Variants in PDE7B observed in about 807,000 individuals in gnomAD.
PDE7B encodes 3',5'-cyclic-AMP phosphodiesterase 7B.
In PDE7B, 29 loss-of-function variants were observed where a neutral mutation model predicts 56.2. The observed-to-expected ratio is 0.52, with a 90% CI of 0.38 to 0.70. The LOEUF is 0.70. Among genes scored for constraint, PDE7B ranks in the 30% least tolerant of loss-of-function variants. The pLI is 0.00. For missense variants in PDE7B, 490 were observed against 565.0 expected, an observed-to-expected ratio of 0.87 and a Z score of 1.35; for synonymous variants, 197 against 196.9, an observed-to-expected ratio of 1.00 and a Z score of 0.00.
intron 2 of PDE7B, among the ~76,000 whole-genome samples, chr6:136,027,370 C>T (rs767160612): frequency 1.3e-5 from 2 of 152,206 alleles, no homozygotes; most frequent in Non-Finnish European, 2.9e-5. Flanking sequence ...ACAGTAACAA[C>T]TCACCTGAGG....
intron 1 of PDE7B, among the ~76,000 whole-genome samples, chr6:135,886,756 C>A (rs752129303): frequency 6.6e-6 from 1 of 152,124 alleles, no homozygotes; most frequent in Non-Finnish European, 1.5e-5. Flanking sequence ...TTTTCTTTAT[C>A]CACTCATTGG....
intron 1 of PDE7B, among the ~76,000 whole-genome samples, chr6:135,888,159 A>C (rs555111994): frequency 6.6e-6 from 1 of 152,234 alleles, no homozygotes; most frequent in South Asian, 2.1e-4. Flanking sequence ...CTATGACCTC[A>C]GTGAGTTTCG....
rs114294480 is a variant in PDE7B, at chr6:136,194,675, A to G, written c.*2835A>G. On this transcript the variant is annotated 3_prime_UTR_variant, in exon 13 of 13. Coordinates refer to ENST00000308191, the MANE Select transcript of PDE7B (RefSeq NM_018945.4). ...TGGGAGGCCAAGTTGGGCAGATCAC[A>G]AGTTCAAGAGATCGAGACCATTCTG... is the stretch of plus-strand genomic sequence containing the variant. 0.045 allele frequency: 6,792 copies of G among 152,310 alleles called. 375 individuals are homozygous for G. Among genetic ancestry groups the G allele is most frequent in the African/African-American group, 0.12 (5,155 of 41,526 alleles). The allele number at this position is 152,310 out of a possible 1,614,324, so 9.4% of individuals were successfully genotyped here. A position where few individuals can be genotyped will look rare whatever the true frequency, so the allele number is the denominator to read the frequency against.
chr6:135,990,086 T>G (rs543836849), intron 2 of PDE7B, among the ~76,000 whole-genome samples: 1 of 148,550 alleles, frequency 6.7e-6, no homozygotes, highest in Non-Finnish European at 1.5e-5. Context: ...TTTTGATTTT[T>G]GGGGTTTTTT....
intron 3 of PDE7B, among the ~76,000 whole-genome samples, chr6:136,121,220 C>T (rs541058226): frequency 6.6e-6 from 1 of 152,180 alleles, no homozygotes; most frequent in Admixed American, 6.5e-5. Flanking sequence ...CCCCTCCTTG[C>T]TTTCCTGTGA....
chr6:136,118,441 T>C (rs1777874829), intron 3 of PDE7B, among the ~76,000 whole-genome samples: 6 of 152,204 alleles, frequency 3.9e-5, no homozygotes. Context: ...AACCACTATA[T>C]ATGTCAATTA....
chr6:135,899,793 C>T (rs895018774), intron 1 of PDE7B, among the ~76,000 whole-genome samples: 1 of 152,006 alleles, frequency 6.6e-6, no homozygotes, highest in African/African-American at 2.4e-5. Context: ...TAAAGAAACA[C>T]CCATGGGTAG....
chr6:136,003,106 G>A (rs1048253560), intron 2 of PDE7B, among the ~76,000 whole-genome samples: 2 of 152,010 alleles, frequency 1.3e-5, no homozygotes, highest in Admixed American at 6.5e-5. Context: ...TGACTACTGG[G>A]TACATAACGA....
intron 2 of PDE7B, among the ~76,000 whole-genome samples, chr6:136,016,841 G>C (rs775284927): frequency 2.6e-5 from 4 of 152,156 alleles, no homozygotes; most frequent in Non-Finnish European, 2.9e-5. Context: ...TAATTTCTCA[G>C]CTATGTTTAG....
chr6:135,911,383 G>C (rs1776209737), intron 1 of PDE7B, among the ~76,000 whole-genome samples: 1 of 152,160 alleles, frequency 6.6e-6, no homozygotes, highest in Admixed American at 6.5e-5. Context: ...CTTCTCCCCA[G>C]GGGAAACTGA....
At chr6:135,930,067 G>A (rs1774265040) in intron 1 of PDE7B, among the ~76,000 whole-genome samples, 1 of 152,198 alleles carries the variant, frequency 6.6e-6, no homozygotes, top group African/African-American at 2.4e-5. Context: ...ACATACCCGA[G>A]ACTGGGCAAA....
chr6:135,853,716 G>T (rs1774976039), intron 1 of PDE7B, among the ~76,000 whole-genome samples: 1 of 151,602 alleles, frequency 6.6e-6, no homozygotes, highest in African/African-American at 2.4e-5. Context: ...CAGCAAATTA[G>T]CTGGGAGAAT....
At chr6:135,893,814 C>T (rs1199175627) in intron 1 of PDE7B, among the ~76,000 whole-genome samples, 1 of 152,150 alleles carries the variant, frequency 6.6e-6, no homozygotes, top group African/African-American at 2.4e-5. Context: ...ATGACAATAT[C>T]TTCTTAATCC....
chr6:136,140,716 G>A (rs1336570887), intron 3 of PDE7B, among the ~76,000 whole-genome samples: 1 of 151,778 alleles, frequency 6.6e-6, no homozygotes, highest in African/African-American at 2.4e-5. Context: ...TAGGTATTTT[G>A]TTCTCTTTGA....
chr6:135,903,284 G>A (rs1776038275), intron 1 of PDE7B, among the ~76,000 whole-genome samples: 1 of 152,284 alleles, frequency 6.6e-6, no homozygotes, highest in South Asian at 2.1e-4. Context: ...GCATTTTATG[G>A]ATGAAGAAAC....
At chr6:135,914,126 C>T (rs1318089099) in intron 1 of PDE7B, among the ~76,000 whole-genome samples, 17 of 152,208 alleles carry the variant, frequency 1.1e-4, no homozygotes. Flanking sequence ...CAACCTTCCA[C>T]AGGCATGTAT....
At chr6:135,892,770 C>G (rs1183455140) in intron 1 of PDE7B, among the ~76,000 whole-genome samples, 1 of 152,158 alleles carries the variant, frequency 6.6e-6, no homozygotes, top group African/African-American at 2.4e-5. Flanking sequence ...AGCTAGCCAT[C>G]TTCATAGGAA....
intron 2 of PDE7B, among the ~76,000 whole-genome samples, chr6:136,060,738 A>C (rs931982939): frequency 1.3e-5 from 2 of 152,218 alleles, no homozygotes; most frequent in African/African-American, 4.8e-5. Flanking sequence ...GGCTTTGTAC[A>C]GTATCTGCCA....
At chr6:135,888,261 C>T (rs992539684) in intron 1 of PDE7B, among the ~76,000 whole-genome samples, 4 of 152,054 alleles carry the variant, frequency 2.6e-5, no homozygotes, top group Non-Finnish European at 5.9e-5. Context: ...ACTAAGTAAC[C>T]TGCTCAAGGT....
Sources: gnomAD v4.1 joint callset for allele counts (sites outside exome capture counted in the v4.1 genomes callset) on GRCh38, gnomAD v4.1.1 for gene constraint, MANE v1.5 for transcripts, NCBI Gene and HGNC (gene_info 2026-07-23, HGNC 2026-07-21) for gene names.